The following IFT43 variants were observed in gnomAD, a reference collection of about 807,000 sequenced individuals.
IFT43 encodes intraflagellar transport protein 43 homolog.
In IFT43, 33 loss-of-function variants were observed where a neutral mutation model predicts 32.3. The observed-to-expected ratio is 1.02, with a 90% CI of 0.77 to 1.37. IFT43 has a LOEUF of 1.37. IFT43 is among the 40% of genes most tolerant of loss of function. IFT43 has a pLI of 0.00. For synonymous variants in IFT43, 93 were observed against 98.2 expected (o/e 0.95, Z 0.31); for missense variants, 274 against 265.9 (o/e 1.03, Z -0.21).
chr14:75,988,857 C>T (rs934410512), intron 1 of IFT43, 28 bp from the exon 2 acceptor site: 3 of 1,613,372 alleles, frequency 1.9e-6, no homozygotes, highest in East Asian at 4.5e-5. Flanking sequence ...ACATTTGGGT[C>T]AGCAGTGCCT....
At chr14:76,051,051 A>T (rs1198576080) in intron 3 of IFT43, among the ~76,000 whole-genome samples, 10 of 151,662 alleles carry the variant, frequency 6.6e-5, no homozygotes, top group Admixed American at 6.6e-4. Context: ...GTGTAAAGAG[A>T]GGACATGGGC....
intron 2 of IFT43, among the ~76,000 whole-genome samples, chr14:76,018,625 C>T (rs1224408955): frequency 6.6e-6 from 1 of 152,130 alleles, no homozygotes; most frequent in East Asian, 1.9e-4. Flanking sequence ...TCTAGATGAT[C>T]TCTCCAGTGC....
intron 3 of IFT43, among the ~76,000 whole-genome samples, chr14:76,047,984 A>C (rs759844748): frequency 2.4e-4 from 36 of 152,208 alleles, no homozygotes; most frequent in Non-Finnish European, 4.0e-4. Context: ...TTGGAGATGG[A>C]GAAAATGAGA....
At chr14:76,014,021 AC>A in intron 2 of IFT43, 1 of 235,342 alleles carries the variant, frequency 4.2e-6, no homozygotes, top group Non-Finnish European at 9.3e-6. Context: ...CTTGTGAACA[AC>A]CCCCAGCCCG....
In IFT43 at chr14:76,002,391, G is replaced by A. The variant is rs750658010; in HGVS notation, c.147+13414G>A. Among the ~76,000 whole-genome samples, 8 of 151,870 alleles carry A rather than the reference G, an allele frequency of 5.3e-5. No homozygotes were observed. In the South Asian group the frequency reaches 1.7e-3, roughly 32 times the overall value. On this transcript the variant is annotated intron_variant, in intron 2 of 8. Transcript: ENST00000314067. ...AGGGGGGGGGTGGCATGATGTCATC[G>A]ACCTTGGGAATGAGCTAGGTTGATA...
chr14:76,021,381 AAGC>A (rs1201361073), intron 2 of IFT43, among the ~76,000 whole-genome samples: 1 of 152,230 alleles, frequency 6.6e-6, no homozygotes, highest in African/African-American at 2.4e-5. Flanking sequence ...GGTTTATAAA[AAGC>A]AGAAGAGGAA....
chr14:75,992,547 T>G (rs1400857672), intron 2 of IFT43, among the ~76,000 whole-genome samples: 1 of 152,062 alleles, frequency 6.6e-6, no homozygotes, highest in Non-Finnish European at 1.5e-5. Flanking sequence ...GAGGGTTTTT[T>G]TGTTTGTTTT....
chr14:76,011,535 G>A (rs942666093), intron 2 of IFT43, among the ~76,000 whole-genome samples: 3 of 152,184 alleles, frequency 2.0e-5, no homozygotes, highest in African/African-American at 7.2e-5. Flanking sequence ...TTTCTCCCCT[G>A]CAACTAGCAT....
intron 3 of IFT43, among the ~76,000 whole-genome samples, chr14:76,051,936 C>A (rs1463789161): frequency 2.6e-5 from 4 of 152,146 alleles, no homozygotes; most frequent in Non-Finnish European, 4.4e-5. Flanking sequence ...ATAGTCAGAA[C>A]CATTCATCCA....
intron 3 of IFT43, among the ~76,000 whole-genome samples, chr14:76,046,959 G>A (rs1410787691): frequency 6.6e-6 from 1 of 152,188 alleles, no homozygotes; most frequent in Non-Finnish European, 1.5e-5. Context: ...AGCAGATTCA[G>A]TGTCTGGTGA....
At chr14:76,075,627 A>G (rs2037399682) in intron 5 of IFT43, among the ~76,000 whole-genome samples, 1 of 152,232 alleles carries the variant, frequency 6.6e-6, no homozygotes, top group Non-Finnish European at 1.5e-5. Flanking sequence ...CAGGGACAGA[A>G]TTTGCTGAAC....
At chr14:76,062,938 A>AAAAAAAAAAAAAAAAAAAAAGAAAAAAG (rs1485146040) in intron 5 of IFT43, among the ~76,000 whole-genome samples, 2 of 120,832 alleles carry the variant, frequency 1.7e-5, no homozygotes, top group African/African-American at 6.6e-5. Context: ...AAAAAAAAAA[A>AAAAAAAAAAAAAAAAAAAAAGAAAAAAG]AAAGAAAATA....
intron 2 of IFT43, among the ~76,000 whole-genome samples, chr14:75,989,528 A>G (rs886684843): frequency 2.0e-5 from 3 of 152,000 alleles, no homozygotes; most frequent in South Asian, 2.1e-4. Flanking sequence ...TTGGCAGCTT[A>G]CTCAGAGCCC....
At chr14:76,069,032 C>T (rs1345839231) in intron 5 of IFT43, among the ~76,000 whole-genome samples, 1 of 152,130 alleles carries the variant, frequency 6.6e-6, no homozygotes, top group African/African-American at 2.4e-5. Flanking sequence ...GAGAGAAATA[C>T]CTGAGACTGG....
At chr14:76,042,220 G>A (rs563589395) in intron 3 of IFT43, among the ~76,000 whole-genome samples, 1 of 150,822 alleles carries the variant, frequency 6.6e-6, no homozygotes, top group East Asian at 2.0e-4. Context: ...AGTAGGTGCT[G>A]TTATTATCCC....
chr14:76,057,411 A>G (rs2037039534), intron 3 of IFT43, among the ~76,000 whole-genome samples: 1 of 152,000 alleles, frequency 6.6e-6, no homozygotes, highest in Admixed American at 6.5e-5. Context: ...TTGTATGTTT[A>G]GTAGAGATGG....
chr14:76,019,969 A>C (rs915405883), intron 2 of IFT43, among the ~76,000 whole-genome samples: 1 of 148,084 alleles, frequency 6.8e-6, no homozygotes, highest in African/African-American at 2.5e-5. Context: ...CATTTTTCTG[A>C]TTTGTTTGTA....
intron 5 of IFT43, among the ~76,000 whole-genome samples, chr14:76,070,917 AT>A (rs2037310317): frequency 6.6e-6 from 1 of 151,832 alleles, no homozygotes; most frequent in African/African-American, 2.4e-5. Context: ...AGCCAATTAA[AT>A]CTCTTTTCTT....
At chr14:76,041,451 A>G (rs894023771) in intron 3 of IFT43, among the ~76,000 whole-genome samples, 1 of 152,188 alleles carries the variant, frequency 6.6e-6, no homozygotes, top group Non-Finnish European at 1.5e-5. Context: ...GTCTCATCCA[A>G]TGTCCTGTGA....
Sources: gnomAD v4.1 joint callset for allele counts (sites outside exome capture counted in the v4.1 genomes callset) on GRCh38, gnomAD v4.1.1 for gene constraint, MANE v1.5 for transcripts, NCBI Gene and HGNC (gene_info 2026-07-23, HGNC 2026-07-21) for gene names.